The following LAMA3 variants were observed in gnomAD, a reference collection of about 807,000 sequenced individuals.
The protein encoded by LAMA3 is laminin subunit alpha 3, also known as laminin subunit alpha-3.
Under a neutral mutation model 402.0 loss-of-function variants are expected in LAMA3, and 281 were observed. The ratio of observed to expected loss-of-function variants is 0.70; its 90% CI spans 0.63 to 0.77. The LOEUF is 0.77. Among genes scored for constraint, LAMA3 ranks in the 30% least tolerant of loss-of-function variants. LAMA3 has a pLI of 0.00. For synonymous variants in LAMA3, 1,431 were observed against 1,558.4 expected, an observed-to-expected ratio of 0.92 and a Z score of 1.93; for missense variants, 3,840 against 4,215.5, an observed-to-expected ratio of 0.91 and a Z score of 2.47.
chr18:23,846,235 G>A, intron 30 of LAMA3, 62 bp from the exon 31 acceptor site: 3 of 1,535,532 alleles, frequency 2.0e-6, no homozygotes, highest in Non-Finnish European at 2.7e-6. Flanking sequence ...TAAAGGCAAG[G>A]TTGAGGCCAC....
At chr18:23,814,950 T>C (rs143204292) in intron 15 of LAMA3, among the ~76,000 whole-genome samples, 1 of 152,358 alleles carries the variant, frequency 6.6e-6, no homozygotes, top group African/African-American at 2.4e-5. Context: ...GCAGCTTTTG[T>C]CATGAAGTAG....
At chr18:23,848,886 T>C (rs138820303) in intron 32 of LAMA3, among the ~76,000 whole-genome samples, 475 of 152,052 alleles carry the variant, frequency 3.1e-3, no homozygotes, top group Non-Finnish European at 5.5e-3. Context: ...CAGGTATTCC[T>C]GGGGGAGTCC....
At chr18:23,741,090 G>A (rs1297459329) in intron 2 of LAMA3, among the ~76,000 whole-genome samples, 3 of 151,882 alleles carry the variant, frequency 2.0e-5, no homozygotes, top group African/African-American at 7.3e-5. Flanking sequence ...AGTAGCTGGG[G>A]CTACAGGTGC....
At chr18:23,717,719 AATTTTT>A (rs1399081869) in intron 2 of LAMA3, among the ~76,000 whole-genome samples, 7 of 116,810 alleles carry the variant, frequency 6.0e-5, no homozygotes, top group African/African-American at 2.7e-4. Flanking sequence ...TGCCTGGCTA[AATTTTT>A]TTTTTTTTTT....
chr18:23,875,333 T>C (rs552460791), intron 38 of LAMA3, among the ~76,000 whole-genome samples: 1 of 152,356 alleles, frequency 6.6e-6, no homozygotes, highest in South Asian at 2.1e-4. Flanking sequence ...AAGATATTAG[T>C]TCATGAAAAG....
intron 2 of LAMA3, 57 bp from the exon 3 acceptor site, chr18:23,747,886 T>C (rs895779684): frequency 8.0e-5 from 79 of 990,266 alleles, no homozygotes; most frequent in Admixed American, 7.3e-4. Flanking sequence ...ATAGAGATGG[T>C]AGAAGCTGTG....
intron 2 of LAMA3, among the ~76,000 whole-genome samples, chr18:23,741,175 A>G (rs1350159685): frequency 2.6e-5 from 4 of 151,402 alleles, no homozygotes; most frequent in Admixed American, 1.3e-4. Flanking sequence ...TAGCCAGGAG[A>G]GTCTCGATCT....
intron 67 of LAMA3, among the ~76,000 whole-genome samples, chr18:23,935,398 G>A (rs910605260): frequency 6.6e-6 from 1 of 152,256 alleles, no homozygotes; most frequent in Non-Finnish European, 1.5e-5. Context: ...AGCAGATAGG[G>A]TGGGACTGGG....
Position 23,928,598 on chromosome 18 carries a change from GTAATTTA to G in LAMA3, c.8296-25_8296-19del. On this transcript the variant is annotated intron_variant, in intron 63 of 74. Transcript: ENST00000313654. ...CAGCCAAGAAATGATTACAATGCCA[GTAATTTA>G]TTCCATGTTTGCATTTCAGCTTGTG... 1 of 1,611,692 alleles carries G rather than the reference GTAATTTA, an allele frequency of 6.2e-7. No homozygotes were observed. Among genetic ancestry groups the G allele is most frequent in the Non-Finnish European group, 8.5e-7 (1 of 1,177,774 alleles).
At chr18:23,857,576 A>G (rs79586097) in intron 32 of LAMA3, among the ~76,000 whole-genome samples, 3,818 of 152,302 alleles carry the variant, frequency 0.025, 173 homozygotes, top group African/African-American at 0.088. Context: ...CTCGGGGGCC[A>G]TGTCCCTTCT....
chr18:23,774,549 T>C (rs1387091181), intron 9 of LAMA3, among the ~76,000 whole-genome samples: 5 of 152,234 alleles, frequency 3.3e-5, no homozygotes, highest in Non-Finnish European at 5.9e-5. Flanking sequence ...TCTTCTATTA[T>C]ACAGAAGAAT....
intron 74 of LAMA3, 83 bp from the exon 75 acceptor site, chr18:23,954,420 A>AT: frequency 7.9e-7 from 1 of 1,268,394 alleles, no homozygotes; most frequent in Non-Finnish European, 1.1e-6. Flanking sequence ...AAAAAAAAAA[A>AT]AAATACTATC....
intron 23 of LAMA3, among the ~76,000 whole-genome samples, chr18:23,828,133 T>A (rs1278807947): frequency 1.3e-5 from 2 of 152,246 alleles, no homozygotes; most frequent in Non-Finnish European, 2.9e-5. Flanking sequence ...CTTCCTCCAC[T>A]ATATTTTTAT....
At chr18:23,928,094 C>A in intron 62 of LAMA3, 29 bp from the exon 63 acceptor site, 1 of 1,478,932 alleles carries the variant, frequency 6.8e-7, no homozygotes, top group Non-Finnish European at 9.5e-7. Context: ...CATGATCCAT[C>A]TCTTCCTTTT....
intron 11 of LAMA3, among the ~76,000 whole-genome samples, chr18:23,778,212 T>A (rs578250532): frequency 1.3e-5 from 2 of 152,192 alleles, no homozygotes; most frequent in South Asian, 4.1e-4. Context: ...TACTAGAGGA[T>A]GTGGGTGTTA....
rs1298484999 is a variant in LAMA3, at chr18:23,921,017, G to A, written c.8006G>A (p.Gly2669Glu). The A allele has an allele frequency of 2.5e-6, 4 of 1,613,970 alleles. No individual in the cohort carries two copies. The African/African-American group carries it at 5.3e-5, about 22-fold the overall frequency. ...KLNSELPKERGVGDAINNGRD... is the reference protein window; with the variant it reads ...KLNSELPKEREVGDAINNGRD... ...AATTCAGAGCTACCAAAAGAGAGAG[G>A]AGTTGGAGACGCCATAAACAACGGC... Residue 2669 changes from glycine (G) to glutamate (E), a missense_variant, in exon 61 of 75, where the codon GGA (glycine) becomes GAA (glutamate). Transcript: ENST00000313654.
chr18:23,917,475 C>A (rs1376148954), intron 60 of LAMA3, among the ~76,000 whole-genome samples: 1 of 152,174 alleles, frequency 6.6e-6, no homozygotes, highest in East Asian at 1.9e-4. Context: ...AATTTACATT[C>A]CCGCCAGCAG....
intron 64 of LAMA3, 131 bp downstream of exon 64, chr18:23,928,896 T>C: frequency 1.1e-6 from 1 of 887,130 alleles, no homozygotes; most frequent in Middle Eastern, 2.4e-4. Flanking sequence ...AATGCTATTG[T>C]ATAGTTCAAC....
rs376696521 is a variant in LAMA3, at chr18:23,901,189, A to G, written c.6067A>G (p.Ser2023Gly). The part of the protein sequence containing the change: ...HQGENNGLAN[S>G]IRDSLNEYEA... ...GGGGGAGAACAATGGGCTTGCTAAC[A>G]GTATCCGGGATTCTTTAAATGAATA... The change falls in exon 48 of 75, where the codon AGT becomes GGT. Residue 2023 changes from serine (S) to glycine (G), a missense_variant. By Grantham distance (56) the Ser-to-Gly change is moderately conservative. This residue lies in a region of LAMA3 where 891 missense variants were observed against 857.5 expected (regional missense o/e 1.04). Transcript: ENST00000313654. 6.2e-7 allele frequency: 1 copy of G among 1,614,252 alleles called. No homozygotes were observed. The highest frequency in any genetic ancestry group is 8.5e-7 in the Non-Finnish European group (1 of 1,180,036).
Sources: allele counts gnomAD v4.1 joint callset (sites outside exome capture counted in the v4.1 genomes callset), GRCh38; gene constraint gnomAD v4.1.1; regional missense constraint gnomAD v4.1.1; transcripts MANE v1.5; gene names NCBI Gene and HGNC (gene_info 2026-07-23, HGNC 2026-07-21).